Variants in PLCB1 observed in about 807,000 individuals in gnomAD.
PLCB1 encodes the protein phospholipase C beta 1.
A neutral mutation model predicts 161.8 loss-of-function variants in PLCB1; 46 were observed. The observed-to-expected ratio is 0.28, with a 90% confidence interval of 0.22 to 0.36. The LOEUF (loss-of-function observed/expected upper bound fraction) is 0.36, where lower values mean the gene tolerates loss of function less well. PLCB1 is among the 10% of genes least tolerant of loss of function. PLCB1 has a pLI of 1.00. For synonymous variants in PLCB1, 517 were observed against 503.7 expected (o/e 1.03, Z -0.35); for missense variants, 1,016 against 1,472.5 (o/e 0.69, Z 5.07).
At chr20:8,729,836 T>G (rs1315415366) in intron 18 of PLCB1, 2 of 151,946 alleles carry the variant, frequency 1.3e-5, no homozygotes, top group African/African-American at 4.8e-5. Flanking sequence ...CTGTAAAAAA[T>G]GTTGTGCTAC....
At chr20:8,407,157 T>C (rs1249724271) in intron 3 of PLCB1, among the ~76,000 whole-genome samples, 8 of 152,172 alleles carry the variant, frequency 5.3e-5, no homozygotes, top group Non-Finnish European at 7.4e-5. Context: ...TGGATAAATT[T>C]GAAAATAAAA....
At chr20:8,654,851 G>A (rs1160161585) in intron 7 of PLCB1, among the ~76,000 whole-genome samples, 2 of 151,914 alleles carry the variant, frequency 1.3e-5, no homozygotes, top group African/African-American at 2.4e-5. Flanking sequence ...AAGGAATTAG[G>A]GATTATCCAT....
intron 3 of PLCB1, among the ~76,000 whole-genome samples, chr20:8,429,101 T>C (rs2122571111): frequency 6.6e-6 from 1 of 152,268 alleles, no homozygotes; most frequent in East Asian, 1.9e-4. Context: ...TTTACTTGCT[T>C]GTATCTTACC....
chr20:8,688,602 G>A (rs1051683283), intron 10 of PLCB1, among the ~76,000 whole-genome samples: 12 of 152,088 alleles, frequency 7.9e-5, no homozygotes, highest in African/African-American at 2.9e-4. Context: ...TGAAAAGGGT[G>A]TTTTTCCCCC....
At chr20:8,477,489 C>G (rs1436658651) in intron 3 of PLCB1, among the ~76,000 whole-genome samples, 1 of 152,140 alleles carries the variant, frequency 6.6e-6, no homozygotes, top group African/African-American at 2.4e-5. Context: ...TTCCATGTAA[C>G]TAGTGTGTAT....
At chr20:8,358,782 G>C (rs1285378405) in intron 2 of PLCB1, among the ~76,000 whole-genome samples, 1 of 152,174 alleles carries the variant, frequency 6.6e-6, no homozygotes, top group Non-Finnish European at 1.5e-5. Flanking sequence ...TCTGCCACTT[G>C]CACTAACATT....
At chr20:8,369,405 C>T (rs1011186993) in intron 2 of PLCB1, among the ~76,000 whole-genome samples, 2 of 152,214 alleles carry the variant, frequency 1.3e-5, no homozygotes, top group Non-Finnish European at 2.9e-5. Flanking sequence ...TTCTCCTCTT[C>T]CAGCAAATAT....
At chr20:8,180,764 CAGTCTTT>C (rs1568580969) in intron 2 of PLCB1, among the ~76,000 whole-genome samples, 2 of 152,102 alleles carry the variant, frequency 1.3e-5, no homozygotes, top group African/African-American at 4.8e-5. Flanking sequence ...ATGAGCCTAA[CAGTCTTT>C]AACTATCTGG....
rs34024831 is a variant in PLCB1 at position 8,539,616 on chromosome 20, TTTTCTTTC to T, written c.247-88614_247-88607del. 2.5e-3 allele frequency among the ~76,000 whole-genome samples: 243 copies of T among 97,104 alleles called. 2 individuals are homozygous for T. The highest frequency in any genetic ancestry group is 5.6e-3 in the Middle Eastern group (1 of 180). 63.7% of individuals were successfully genotyped at this position (97,104 alleles called of 152,430 possible). A position where few individuals can be genotyped will look rare whatever the true frequency, so the allele number is the denominator to read the frequency against. ...GGTAGATACTTGCCTCTTTTCTTTA[TTTTCTTTC>T]TTTCTTTCTTTCTTTCTTTCTTTCT... is the stretch of plus-strand genomic sequence containing the variant. On this transcript the variant is annotated intron_variant, in intron 3 of 31. Coordinates refer to ENST00000338037, the MANE Select transcript of PLCB1 (RefSeq NM_015192.4).
intron 2 of PLCB1, among the ~76,000 whole-genome samples, chr20:8,325,466 C>T (rs140571579): frequency 1.4e-3 from 214 of 152,318 alleles, no homozygotes; most frequent in Non-Finnish European, 2.2e-3. Flanking sequence ...TGGGAATCCT[C>T]TGTTCTGTTC....
chr20:8,703,845 C>G (rs1298351048), intron 11 of PLCB1, among the ~76,000 whole-genome samples: 1 of 152,160 alleles, frequency 6.6e-6, no homozygotes, highest in Non-Finnish European at 1.5e-5. Context: ...GAAACACTCA[C>G]ATTTTATCAA....
At chr20:8,341,823 A>G (rs1985819483) in intron 2 of PLCB1, among the ~76,000 whole-genome samples, 1 of 152,220 alleles carries the variant, frequency 6.6e-6, no homozygotes, top group Non-Finnish European at 1.5e-5. Context: ...AGCTCGTCTA[A>G]TATTCAAAAT....
rs1978399026 is a variant in PLCB1, at chr20:8,398,704, A to G, written c.246+27254A>G. Among the ~76,000 whole-genome samples the G allele has an allele frequency of 2.0e-5, 3 of 152,038 alleles. No individual in the cohort carries two copies. The South Asian group carries it at 6.2e-4, about 31-fold the overall frequency. ...CACGTTGGGGTTTAAGCGTCCATAT[A>G]TGAATTTTGAAGGGAGACAAACATT... On this transcript the variant is annotated intron_variant, in intron 3 of 31. Transcript: ENST00000338037.
intron 31 of PLCB1, among the ~76,000 whole-genome samples, chr20:8,790,724 G>C (rs972030801): frequency 3.0e-4 from 46 of 152,136 alleles, no homozygotes; most frequent in African/African-American, 1.1e-3. Flanking sequence ...TCAGAGAAAA[G>C]CAAATCTTTT....
Position 8,539,369 on chromosome 20 carries a change from A to G in PLCB1, c.247-88925A>G, listed in dbSNP as rs543602933. 2.0e-5 allele frequency among the ~76,000 whole-genome samples: 3 copies of G among 152,326 alleles called. No homozygotes were observed. In the South Asian group the frequency reaches 6.2e-4, roughly 32 times the overall value. On this transcript the variant is annotated intron_variant, in intron 3 of 31. Transcript: ENST00000338037. ...GACACACTTCAAACAAACTTGTACA[A>G]TATATTTTCCCAACCTGAACATATT...
intron 9 of PLCB1, among the ~76,000 whole-genome samples, chr20:8,669,007 A>G (rs1416816728): frequency 6.6e-6 from 1 of 152,208 alleles, no homozygotes; most frequent in East Asian, 1.9e-4. Flanking sequence ...TGTATTACCC[A>G]TCTAACTTAT....
At chr20:8,381,304 A>AG (rs764508707) in intron 3 of PLCB1, among the ~76,000 whole-genome samples, 6 of 152,158 alleles carry the variant, frequency 3.9e-5, no homozygotes, top group Non-Finnish European at 8.8e-5. Flanking sequence ...TCTTGATCGT[A>AG]GTGGATAAGT....
At chr20:8,544,124 A>G (rs930900363) in intron 3 of PLCB1, among the ~76,000 whole-genome samples, 1 of 152,192 alleles carries the variant, frequency 6.6e-6, no homozygotes, top group Non-Finnish European at 1.5e-5. Flanking sequence ...AGCATCACGC[A>G]GTATACCTCT....
chr20:8,294,851 A>T (rs1983558446), intron 2 of PLCB1, among the ~76,000 whole-genome samples: 1 of 151,976 alleles, frequency 6.6e-6, no homozygotes, highest in African/African-American at 2.4e-5. Flanking sequence ...GATGATAGTA[A>T]TATGTTAATA....
Sources: allele counts gnomAD v4.1 joint callset (sites outside exome capture counted in the v4.1 genomes callset), GRCh38; gene constraint gnomAD v4.1.1; transcripts MANE v1.5; gene names NCBI Gene and HGNC (gene_info 2026-07-23, HGNC 2026-07-21).